The following PHF20 variants were observed in gnomAD, a reference collection of about 807,000 sequenced individuals.
The protein encoded by PHF20 is glioma-expressed antigen 2.
In PHF20, 23 loss-of-function variants were observed where a neutral mutation model predicts 113.5. The observed-to-expected ratio is 0.20, with a 90% CI of 0.15 to 0.29. The LOEUF is 0.29. PHF20 is among the 10% of genes least tolerant of loss of function. The pLI is 1.00. For synonymous variants in PHF20, 434 were observed against 457.3 expected (o/e 0.95, Z 0.65); for missense variants, 943 against 1,219.6 (o/e 0.77, Z 3.38).
chr20:35,898,345 TCCACACAGATA>T (rs2055029816), intron 9 of PHF20, among the ~76,000 whole-genome samples: 1 of 152,246 alleles, frequency 6.6e-6, no homozygotes, highest in Non-Finnish European at 1.5e-5. Context: ...CCTATTTCCG[TCCACACAGATA>T]GGTACCAGGA....
chr20:35,877,153 G>A (rs376549105), intron 9 of PHF20, among the ~76,000 whole-genome samples: 9 of 147,968 alleles, frequency 6.1e-5, no homozygotes, highest in East Asian at 4.0e-4. Flanking sequence ...TGCTGGGCAT[G>A]GTGGTGGGCG....
intron 2 of PHF20, among the ~76,000 whole-genome samples, chr20:35,816,891 T>C (rs1212583828): frequency 6.6e-6 from 1 of 151,126 alleles, no homozygotes; most frequent in African/African-American, 2.4e-5. Flanking sequence ...TCCTGGGTTC[T>C]AGCGATTCTC....
intron 2 of PHF20, among the ~76,000 whole-genome samples, chr20:35,807,906 T>C (rs892096184): frequency 6.6e-6 from 1 of 152,178 alleles, no homozygotes; most frequent in African/African-American, 2.4e-5. Context: ...TTAGAGATTA[T>C]ATACCTACAT....
At chr20:35,873,353 G>A (rs186705592) in intron 9 of PHF20, among the ~76,000 whole-genome samples, 28 of 151,928 alleles carry the variant, frequency 1.8e-4, no homozygotes, top group Middle Eastern at 3.4e-3. Flanking sequence ...TGCCCACCTC[G>A]GCCTCCCAAA....
intron 1 of PHF20, among the ~76,000 whole-genome samples, chr20:35,780,550 TC>T (rs1259444306): frequency 1.5e-5 from 1 of 68,108 alleles, no homozygotes; most frequent in Non-Finnish European, 2.8e-5. Context: ...TTTTTTCTTT[TC>T]TTTTTTTTTT....
At chr20:35,893,144 G>A (rs1274672888) in intron 9 of PHF20, among the ~76,000 whole-genome samples, 2 of 152,218 alleles carry the variant, frequency 1.3e-5, no homozygotes, top group Non-Finnish European at 2.9e-5. Context: ...AGTTTCAGCT[G>A]TACTAACTTT....
Position 35,931,260 on chromosome 20 carries a change from G to T in PHF20, c.2116G>T (p.Gly706Cys). Residue 706 changes from glycine to cysteine, a missense_variant, in exon 15 of 18, where the codon GGC becomes TGC. Gly to Cys is a radical substitution (Grantham distance 159). Transcript: ENST00000374012. ...VCQDPPGQRP[G>C]FKYWYDKEWL... ...TGTCACTGCTGTAGGTCAGAGGCCT[G>T]GCTTCAAGTACTGGTATGACAAGGA... The T allele has an allele frequency of 6.2e-7, 1 of 1,611,024 alleles. No homozygotes were observed. Among genetic ancestry groups the T allele is most frequent in the Non-Finnish European group, 8.5e-7 (1 of 1,177,640 alleles).
At chr20:35,836,900 G>C (rs952668612) in intron 2 of PHF20, among the ~76,000 whole-genome samples, 3 of 151,970 alleles carry the variant, frequency 2.0e-5, no homozygotes, top group African/African-American at 7.2e-5. Context: ...GCTGGGTGCA[G>C]TGGCTCACAC....
chr20:35,825,777 C>G (rs1222798178), intron 2 of PHF20, among the ~76,000 whole-genome samples: 3 of 152,200 alleles, frequency 2.0e-5, no homozygotes, highest in Non-Finnish European at 4.4e-5. Context: ...CCTCAGCCTC[C>G]TGTGTAGTTG....
chr20:35,806,162 AT>A (rs1299032685), intron 2 of PHF20, among the ~76,000 whole-genome samples: 2,253 of 123,694 alleles, frequency 0.018, 23 homozygotes, highest in African/African-American at 0.033. Flanking sequence ...CATGCCTGGC[AT>A]TTTTTTTTTT....
intron 1 of PHF20, among the ~76,000 whole-genome samples, chr20:35,777,695 G>T (rs375019745): frequency 1.3e-5 from 2 of 152,126 alleles, no homozygotes; most frequent in Non-Finnish European, 2.9e-5. Flanking sequence ...ATGGTGGTGC[G>T]TGCTTGTAGT....
chr20:35,817,965 T>A (rs1246033913), intron 2 of PHF20, among the ~76,000 whole-genome samples: 2 of 151,444 alleles, frequency 1.3e-5, no homozygotes, highest in Non-Finnish European at 2.9e-5. Flanking sequence ...AAAAATTATA[T>A]TTTTATAATT....
At chr20:35,775,306 C>G (rs1297606746) in intron 1 of PHF20, among the ~76,000 whole-genome samples, 1 of 152,098 alleles carries the variant, frequency 6.6e-6, no homozygotes, top group African/African-American at 2.4e-5. Context: ...TACACGAAGA[C>G]AAAGTTTCTC....
Position 35,936,721 on chromosome 20 carries a change from C to G in PHF20, c.2301-1976C>G, listed in dbSNP as rs1029220809. Among the ~76,000 whole-genome samples the G allele has an allele frequency of 2.0e-5, 3 of 152,050 alleles. No homozygotes were observed. In the East Asian group the frequency reaches 5.8e-4, roughly 29 times the overall value. ...TGGGTAATCATTGCATTTTTGTAAT[C>G]AAATGCCATTACATGCTGGGATCAT... On this transcript the variant is annotated intron_variant, in intron 15 of 17. Coordinates refer to ENST00000374012, the MANE Select transcript of PHF20 (RefSeq NM_016436.5).
chr20:35,803,743 A>G (rs561618446), intron 2 of PHF20, among the ~76,000 whole-genome samples: 2 of 150,066 alleles, frequency 1.3e-5, no homozygotes, highest in African/African-American at 4.9e-5. Flanking sequence ...TATATATTAT[A>G]TATTGTATGT....
At chr20:35,880,750 C>T (rs2054613817) in intron 9 of PHF20, among the ~76,000 whole-genome samples, 1 of 152,014 alleles carries the variant, frequency 6.6e-6, no homozygotes, top group South Asian at 2.1e-4. Context: ...CACTTGAGGT[C>T]AGGAGTTCGA....
At chr20:35,816,936 G>A (rs535026228) in intron 2 of PHF20, among the ~76,000 whole-genome samples, 14 of 150,676 alleles carry the variant, frequency 9.3e-5, no homozygotes, top group African/African-American at 2.9e-4. Flanking sequence ...GATTACAGGC[G>A]TGCACCACTA....
At chr20:35,814,890 ATAAAAT>A (rs2042043106) in intron 2 of PHF20, among the ~76,000 whole-genome samples, 1 of 138,626 alleles carries the variant, frequency 7.2e-6, no homozygotes, top group African/African-American at 2.7e-5. Flanking sequence ...AAAAAAAAAA[ATAAAAT>A]AAATAAATAA....
chr20:35,838,451 G>C (rs1364562082), intron 2 of PHF20: 1 of 152,044 alleles, frequency 6.6e-6, no homozygotes, highest in Non-Finnish European at 1.5e-5. Flanking sequence ...AGGTATGACT[G>C]TACTGGCTCT....
Sources: gnomAD v4.1 joint callset for allele counts (sites outside exome capture counted in the v4.1 genomes callset) on GRCh38, gnomAD v4.1.1 for gene constraint, MANE v1.5 for transcripts, NCBI Gene and HGNC (gene_info 2026-07-23, HGNC 2026-07-21) for gene names.